The following ADAM12 variants were observed in gnomAD, a reference collection of about 807,000 sequenced individuals.
ADAM12 encodes disintegrin and metalloproteinase domain-containing protein 12.
A neutral mutation model predicts 106.4 loss-of-function variants in ADAM12; 70 were observed. The observed-to-expected ratio is 0.66, with a 90% CI of 0.54 to 0.80. The LOEUF (loss-of-function observed/expected upper bound fraction) is 0.80. ADAM12 is among the 30% of genes least tolerant of loss of function. The pLI, the probability that ADAM12 is intolerant of heterozygous loss-of-function variation, is 0.00. For missense variants in ADAM12, 1,010 were observed against 1,171.9 expected (o/e 0.86, Z 2.02); for synonymous variants, 420 against 433.5 (o/e 0.97, Z 0.39).
rs1185829529 is a variant in ADAM12, at chr10:126,388,037, C to T, written c.88+21G>A. 1.7e-6 allele frequency: 2 copies of T among 1,206,240 alleles called. No homozygotes were observed. Among genetic ancestry groups the T allele is most frequent in the East Asian group, 3.4e-5 (1 of 29,110 alleles). 74.7% of individuals were successfully genotyped at this position (1,206,240 alleles called of 1,614,324 possible). On this transcript the variant is annotated intron_variant, in intron 1 of 22. Transcript: ENST00000448723. This position sits in a 1 kb window ranked among gnomAD's most constrained non-coding sequence, Gnocchi z 4.4. ...GCCCTCGGCGGGGCGGGCAGCGAGC[C>T]GCCCTAGTTCGGCGACTTACCTCGG...
At chr10:126,183,979 CATT>C (rs1565122241) in intron 3 of ADAM12, among the ~76,000 whole-genome samples, 1 of 152,196 alleles carries the variant, frequency 6.6e-6, no homozygotes, top group African/African-American at 2.4e-5. Context: ...TCTTTTCTTA[CATT>C]ATTATGATCC....
rs369511795 is a variant in ADAM12, at chr10:126,038,263, G to A, written c.2327C>T (p.Pro776Leu). Residue 776 changes from proline (P) to leucine (L), a missense_variant, in exon 20 of 23, where the codon CCG (proline) becomes CTG (leucine). By Grantham distance (98) the Pro-to-Leu change is moderately conservative (BLOSUM62 -3). Around this residue, in one of 3 missense-constraint regions of ADAM12, gnomAD observed 615 missense variants for 708.5 expected, o/e 0.87. Transcript: ENST00000448723. ...CACCTTCGGTGGGTAGGAATCTGGCGGCTTCCTCATCAGGCCTTTTCCAAG... is the reference window on the plus strand; with the variant it reads ...CACCTTCGGTGGGTAGGAATCTGGCAGCTTCCTCATCAGGCCTTTTCCAAG... ...GHLGKGLMRKPPDSYPPKDNP... is the reference protein window; with the variant it reads ...GHLGKGLMRKLPDSYPPKDNP... 22 of 1,611,252 alleles carry A rather than the reference G, an allele frequency of 1.4e-5. No individual in the cohort carries two copies. The highest frequency in any genetic ancestry group is 8.4e-5 in the Admixed American group (5 of 59,732).
chr10:126,372,893 G>GA (rs1245353506), intron 1 of ADAM12, among the ~76,000 whole-genome samples: 2 of 152,128 alleles, frequency 1.3e-5, no homozygotes, highest in Non-Finnish European at 2.9e-5. Flanking sequence ...AAGTATGTGA[G>GA]AAAAAAGTTT....
chr10:126,048,864 A>G (rs571286516), intron 16 of ADAM12, among the ~76,000 whole-genome samples: 4 of 152,286 alleles, frequency 2.6e-5, no homozygotes, highest in African/African-American at 9.6e-5. Flanking sequence ...ACAGGGTTCT[A>G]AAAATACATC....
rs557470552 is a variant in ADAM12, at chr10:126,388,172, C to A, written c.-27G>T. On this transcript the variant is annotated 5_prime_UTR_variant, in exon 1 of 23. Transcript: ENST00000448723. The surrounding 1 kb of genome is among the most constrained non-coding windows in gnomAD (Gnocchi z 4.4). ...GTCGCCGGCCTTCAGTGCAGCAGCT[C>A]TCGGGCCCGGCGGCGAGCGCTGCAC... The A allele has an allele frequency of 5.8e-6, 7 of 1,205,148 alleles. No individual in the cohort carries two copies. In the African/African-American group the frequency reaches 7.9e-5, roughly 14 times the overall value. The allele number at this position is 1,205,148 out of a possible 1,614,324, so 74.7% of individuals were successfully genotyped here. A position where few individuals can be genotyped will look rare whatever the true frequency, so the allele number is the denominator to read the frequency against.
chr10:126,135,131 A>G (rs1053009739), intron 5 of ADAM12, among the ~76,000 whole-genome samples: 8 of 152,018 alleles, frequency 5.3e-5, no homozygotes, highest in Non-Finnish European at 5.9e-5. Flanking sequence ...CCTCTATTCA[A>G]CTCACCTTGG....
At chr10:126,248,713 T>G (rs1366202118) in intron 3 of ADAM12, among the ~76,000 whole-genome samples, 2 of 146,590 alleles carry the variant, frequency 1.4e-5, no homozygotes, top group Non-Finnish European at 3.0e-5. Context: ...ATTTATTTAT[T>G]TATTTATTTA....
At chr10:126,150,634 T>C (rs1381813963) in intron 4 of ADAM12, among the ~76,000 whole-genome samples, 1 of 152,200 alleles carries the variant, frequency 6.6e-6, no homozygotes, top group African/African-American at 2.4e-5. Flanking sequence ...GGCCAATTGC[T>C]GACCATTCCA....
chr10:126,293,525 T>C (rs1960243368), intron 2 of ADAM12, among the ~76,000 whole-genome samples: 2 of 152,178 alleles, frequency 1.3e-5, no homozygotes, highest in Non-Finnish European at 2.9e-5. Flanking sequence ...TTTTTATTTA[T>C]TTTGTTTTTT....
At chr10:126,350,710 C>T (rs553535528) in intron 1 of ADAM12, among the ~76,000 whole-genome samples, 2 of 152,234 alleles carry the variant, frequency 1.3e-5, no homozygotes, top group Admixed American at 6.5e-5. Context: ...CACCTCACAT[C>T]GGTGCACAGG....
At chr10:126,183,208 T>C (rs1032598931) in intron 3 of ADAM12, among the ~76,000 whole-genome samples, 4 of 152,234 alleles carry the variant, frequency 2.6e-5, no homozygotes, top group African/African-American at 4.8e-5. Context: ...CCGCTGATTC[T>C]ACATATTATG....
At chr10:126,122,455 G>A (rs993061836) in intron 5 of ADAM12, among the ~76,000 whole-genome samples, 12 of 152,034 alleles carry the variant, frequency 7.9e-5, no homozygotes, top group East Asian at 1.9e-4. Flanking sequence ...TTAAGGATGC[G>A]AACTTAAAAA....
intron 1 of ADAM12, among the ~76,000 whole-genome samples, chr10:126,367,577 T>C (rs12253674): frequency 0.047 from 6,151 of 130,120 alleles, 422 homozygotes; most frequent in African/African-American, 0.15. Flanking sequence ...ATAAAATAAA[T>C]AACAAAAGAA....
At chr10:126,242,811 G>A (rs1051347478) in intron 3 of ADAM12, among the ~76,000 whole-genome samples, 1 of 152,086 alleles carries the variant, frequency 6.6e-6, no homozygotes, top group East Asian at 1.9e-4. Flanking sequence ...CCCAGCTCTG[G>A]GTTCACATGG....
chr10:126,342,342 A>C (rs1055615013), intron 1 of ADAM12, among the ~76,000 whole-genome samples: 1 of 152,262 alleles, frequency 6.6e-6, no homozygotes, highest in Non-Finnish European at 1.5e-5. Context: ...CAAATGGGCA[A>C]TCATAATTTA....
chr10:126,041,946 A>G (rs898455872), intron 18 of ADAM12: 9 of 1,427,434 alleles, frequency 6.3e-6, no homozygotes, highest in Non-Finnish European at 8.2e-6. Context: ...CCTTCCTTGC[A>G]CTGTTTCTGC....
rs562664509 is a variant in ADAM12, at chr10:126,161,926, T to G, written c.261-6621A>C. On this transcript the variant is annotated intron_variant, in intron 3 of 22. Transcript: ENST00000448723. ...CATGAGAACATTCTTTTTCTCTGCT[T>G]ATTAGATTAGGCGATCTAACAAGGC... 2.5e-4 allele frequency among the ~76,000 whole-genome samples: 38 copies of G among 152,338 alleles called. 1 individual carries two copies. The highest frequency in any genetic ancestry group is 8.2e-4 in the African/African-American group (34 of 41,582).
intron 3 of ADAM12, among the ~76,000 whole-genome samples, chr10:126,263,606 G>A (rs142923322): frequency 1.3e-5 from 2 of 152,262 alleles, no homozygotes; most frequent in African/African-American, 4.8e-5. Context: ...TTAGTTTGTT[G>A]GTGGGCGGGG....
chr10:126,333,085 G>A (rs1032679220), intron 1 of ADAM12, among the ~76,000 whole-genome samples: 2 of 152,152 alleles, frequency 1.3e-5, no homozygotes, highest in African/African-American at 4.8e-5. Flanking sequence ...GAGTTACCAC[G>A]GGCATTGGCG....
Sources: gnomAD v4.1 joint callset for allele counts (sites outside exome capture counted in the v4.1 genomes callset) on GRCh38, gnomAD v4.1.1 for gene constraint, gnomAD v4.1.1 regional missense constraint, Gnocchi (gnomAD v3.1) non-coding constraint, MANE v1.5 for transcripts, NCBI Gene and HGNC (gene_info 2026-07-23, HGNC 2026-07-21) for gene names.